The following GALNT17 variants were observed in gnomAD, a reference collection of about 807,000 sequenced individuals.
GALNT17 encodes polypeptide N-acetylgalactosaminyltransferase 17.
In GALNT17, 29 loss-of-function variants were observed where a neutral mutation model predicts 63.7. The observed-to-expected ratio is 0.46, with a 90% confidence interval of 0.34 to 0.62. The LOEUF (loss-of-function observed/expected upper bound fraction) is 0.62. GALNT17 is among the 20% of genes least tolerant of loss of function. The pLI is 0.01. For missense variants in GALNT17, 603 were observed against 799.6 expected, an observed-to-expected ratio of 0.75 and a Z score of 2.97; for synonymous variants, 305 against 318.3, an observed-to-expected ratio of 0.96 and a Z score of 0.45.
chr7:71,184,963 C>CCTT (rs1788811972), intron 1 of GALNT17, among the ~76,000 whole-genome samples: 1 of 111,000 alleles, frequency 9.0e-6, no homozygotes, highest in African/African-American at 4.3e-5. Context: ...TTCCTTCCTT[C>CCTT]CTTCCTTCCT....
chr7:71,541,446 G>A (rs975616197), intron 5 of GALNT17, among the ~76,000 whole-genome samples: 11 of 152,002 alleles, frequency 7.2e-5, no homozygotes, highest in African/African-American at 2.2e-4. Flanking sequence ...CCAGCTATTC[G>A]GGTGGCTAAG....
intron 5 of GALNT17, among the ~76,000 whole-genome samples, chr7:71,546,187 A>C (rs1467987784): frequency 1.4e-5 from 2 of 146,428 alleles, no homozygotes; most frequent in Non-Finnish European, 3.0e-5. Flanking sequence ...TTGAGATAGC[A>C]TCTCACCCTG....
intron 1 of GALNT17, among the ~76,000 whole-genome samples, chr7:71,234,303 C>T (rs1287064475): frequency 1.3e-5 from 2 of 152,070 alleles, no homozygotes; most frequent in African/African-American, 4.8e-5. Context: ...ACTCTGTCGC[C>T]CAGGCTGGAG....
At chr7:71,424,407 C>T (rs1786721205) in intron 5 of GALNT17, among the ~76,000 whole-genome samples, 2 of 152,354 alleles carry the variant, frequency 1.3e-5, no homozygotes, top group South Asian at 4.1e-4. Context: ...AAAAGAAGTG[C>T]TTGCAGTGGA....
intron 3 of GALNT17, among the ~76,000 whole-genome samples, chr7:71,402,690 A>G (rs903444835): frequency 6.7e-6 from 1 of 149,228 alleles, no homozygotes; most frequent in African/African-American, 2.6e-5. Context: ...AAGATGGCTG[A>G]AAACTTTTTG....
At chr7:71,329,733 A>G (rs1791770084) in intron 1 of GALNT17, among the ~76,000 whole-genome samples, 2 of 152,000 alleles carry the variant, frequency 1.3e-5, no homozygotes, top group South Asian at 4.2e-4. Flanking sequence ...TATCACAAGA[A>G]CAGCAAGAGG....
intron 1 of GALNT17, among the ~76,000 whole-genome samples, chr7:71,253,943 G>C (rs1413143987): frequency 1.8e-4 from 28 of 152,126 alleles, no homozygotes; most frequent in Non-Finnish European, 4.4e-5. Flanking sequence ...TTTGTTCTGA[G>C]TCAAATGAGA....
intron 1 of GALNT17, among the ~76,000 whole-genome samples, chr7:71,204,303 T>C (rs2116374848): frequency 6.6e-6 from 1 of 152,312 alleles, no homozygotes; most frequent in South Asian, 2.1e-4. Flanking sequence ...TACTATATCT[T>C]TGTACTATAT....
intron 5 of GALNT17, among the ~76,000 whole-genome samples, chr7:71,514,890 AG>A (rs1237015259): frequency 6.6e-6 from 1 of 152,116 alleles, no homozygotes; most frequent in Admixed American, 6.6e-5. Context: ...GTGTTGTGGG[AG>A]GGACCTGGTG....
At chr7:71,451,876 A>G (rs577500171) in intron 5 of GALNT17, among the ~76,000 whole-genome samples, 33 of 152,044 alleles carry the variant, frequency 2.2e-4, no homozygotes, top group African/African-American at 7.7e-4. Flanking sequence ...AATTTATTTC[A>G]CCGAATTGTG....
At chr7:71,360,460 C>T (rs1031305822) in intron 2 of GALNT17, among the ~76,000 whole-genome samples, 3 of 151,346 alleles carry the variant, frequency 2.0e-5, no homozygotes, top group South Asian at 2.1e-4. Flanking sequence ...CTATGGATAC[C>T]GAACTTCGGT....
intron 6 of GALNT17, among the ~76,000 whole-genome samples, chr7:71,617,377 A>G (rs1173164009): frequency 6.9e-6 from 1 of 144,666 alleles, no homozygotes; most frequent in Non-Finnish European, 1.5e-5. Context: ...GCTGGAGTGC[A>G]GTGGCACAAT....
At position 71,712,178 on chromosome 7, in the gene GALNT17, C is replaced by T. The variant is rs777474908; in HGVS notation, c.*32C>T. ...GGAGCTGGGGCACTGGAGCCTGGCCCCCAGGACATGGCTGCTCCCCCCAAC... is the reference window on the plus strand; with the variant it reads ...GGAGCTGGGGCACTGGAGCCTGGCCTCCAGGACATGGCTGCTCCCCCCAAC... On this transcript the variant is annotated 3_prime_UTR_variant, in exon 11 of 11. Coordinates refer to ENST00000333538, the MANE Select transcript of GALNT17 (RefSeq NM_022479.3). 2 of 1,603,554 alleles carry T rather than the reference C, an allele frequency of 1.2e-6. No individual in the cohort carries two copies. The highest frequency in any genetic ancestry group is 1.7e-5 in the Admixed American group (1 of 58,604).
chr7:71,508,462 G>A (rs4605942), intron 5 of GALNT17, among the ~76,000 whole-genome samples: 78,836 of 151,986 alleles, frequency 0.52, 22,192 homozygotes, highest in Non-Finnish European at 0.65. Flanking sequence ...CCTGGATGCC[G>A]TTGGCTAAAC....
chr7:71,647,305 G>A (rs1276095542), intron 6 of GALNT17, among the ~76,000 whole-genome samples: 1 of 149,958 alleles, frequency 6.7e-6, no homozygotes, highest in African/African-American at 2.5e-5. Flanking sequence ...CTGACTTCAA[G>A]TGATCTGCCT....
At chr7:71,429,838 C>T (rs1490622055) in intron 5 of GALNT17, among the ~76,000 whole-genome samples, 1 of 152,168 alleles carries the variant, frequency 6.6e-6, no homozygotes, top group Admixed American at 6.5e-5. Flanking sequence ...TCCCAAGTAG[C>T]CGGGATTACC....
chr7:71,396,061 G>C (rs1793134706), intron 3 of GALNT17, among the ~76,000 whole-genome samples: 1 of 151,868 alleles, frequency 6.6e-6, no homozygotes, highest in African/African-American at 2.4e-5. Flanking sequence ...TCTTTCTGTG[G>C]GTTGTCTTTT....
intron 2 of GALNT17, among the ~76,000 whole-genome samples, chr7:71,386,299 G>A (rs1033329371): frequency 1.3e-5 from 2 of 152,178 alleles, no homozygotes; most frequent in East Asian, 1.9e-4. Context: ...ATAAGAAACA[G>A]CTGTATTTCT....
chr7:71,532,749 C>T (rs1788741891), intron 5 of GALNT17, among the ~76,000 whole-genome samples: 1 of 152,148 alleles, frequency 6.6e-6, no homozygotes, highest in African/African-American at 2.4e-5. Flanking sequence ...ATCTGCAGAC[C>T]TCCAAATCCT....
Sources: allele counts gnomAD v4.1 joint callset (sites outside exome capture counted in the v4.1 genomes callset), GRCh38; gene constraint gnomAD v4.1.1; transcripts MANE v1.5; gene names NCBI Gene and HGNC (gene_info 2026-07-23, HGNC 2026-07-21).